WDR70: variants seen among roughly 807,000 people sequenced by gnomAD.
WDR70 encodes WD repeat domain 70.
A neutral mutation model predicts 88.6 loss-of-function variants in WDR70; 53 were observed. The ratio of observed to expected loss-of-function variants is 0.60; its 90% CI spans 0.48 to 0.75. The LOEUF (loss-of-function observed/expected upper bound fraction) is 0.75. WDR70 is among the 30% of genes least tolerant of loss of function. The probability of loss-of-function intolerance (pLI) is 0.00; values close to 1 mark genes in which losing one functional copy is unlikely to be tolerated. For synonymous variants in WDR70, 280 were observed against 270.0 expected (o/e 1.04, Z -0.36); for missense variants, 610 against 823.2 (o/e 0.74, Z 3.17).
At position 37,529,534 on chromosome 5, in the gene WDR70, A is replaced by G. The variant is rs192489060; in HGVS notation, c.917+12944A>G. 2.0e-5 allele frequency among the ~76,000 whole-genome samples: 3 copies of G among 151,888 alleles called. No homozygotes were observed. In the East Asian group the frequency reaches 5.8e-4, roughly 29 times the overall value. On this transcript the variant is annotated intron_variant, in intron 9 of 17. Coordinates refer to ENST00000265107, the MANE Select transcript of WDR70 (RefSeq NM_018034.4). ...GTAATTTTCCTTGTAGAGGTCTTTC[A>G]TGTCCTTGGTTAGGTAAATTCCTAA...
rs187003829 is a variant in WDR70 at position 37,724,808 on chromosome 5, T to C, written c.1598-126T>C. ...CTAATTGGTTACAGTAAGACTGTCT[T>C]TTATTATCAGATCAAGACTGTCATT... On this transcript the variant is annotated intron_variant, in intron 15 of 17. Coordinates refer to ENST00000265107, the MANE Select transcript of WDR70 (RefSeq NM_018034.4). 4.5e-4 allele frequency: 433 copies of C among 970,182 alleles called. 4 individuals are homozygous for C. The African/African-American group carries it at 6.6e-3, about 15-fold the overall frequency. The allele number at this position is 970,182 out of a possible 1,614,324, so 60.1% of individuals were successfully genotyped here. A position where few individuals can be genotyped will look rare whatever the true frequency, so the allele number is the denominator to read the frequency against.
At chr5:37,600,952 A>G (rs1446647701) in intron 9 of WDR70, among the ~76,000 whole-genome samples, 1 of 152,214 alleles carries the variant, frequency 6.6e-6, no homozygotes, top group African/African-American at 2.4e-5. Context: ...TAGAGTCTTT[A>G]GAGTTTTCTG....
intron 10 of WDR70, among the ~76,000 whole-genome samples, chr5:37,640,132 G>A (rs1010194939): frequency 6.6e-6 from 1 of 152,074 alleles, no homozygotes. Context: ...ATTCTTTTAT[G>A]TCTCTGAAGT....
chr5:37,521,701 T>TAC (rs1491440083), intron 9 of WDR70, among the ~76,000 whole-genome samples: 3 of 81,484 alleles, frequency 3.7e-5, no homozygotes, highest in Non-Finnish European at 8.0e-5. Flanking sequence ...GTAGTCCAAG[T>TAC]ATACACACAC....
intron 8 of WDR70, among the ~76,000 whole-genome samples, chr5:37,499,607 C>T (rs868190962): frequency 2.8e-4 from 33 of 117,130 alleles, no homozygotes; most frequent in South Asian, 9.4e-4. Flanking sequence ...CTCTCTCTCT[C>T]TCTCTCTCTC....
Position 37,704,579 on chromosome 5 carries a change from A to G in WDR70, c.1416+1492A>G, listed in dbSNP as rs185100954. Reference sequence around the variant, plus strand: ...TCTCCGTGGTACTTACCACTGCCTCATATATTGTATATTTGTTTGGTTTCG... The same window carrying G: ...TCTCCGTGGTACTTACCACTGCCTCGTATATTGTATATTTGTTTGGTTTCG... On this transcript the variant is annotated intron_variant, in intron 13 of 17. Transcript: ENST00000265107. Among the ~76,000 whole-genome samples, 23 of 152,282 alleles carry G rather than the reference A, an allele frequency of 1.5e-4. No homozygotes were observed. In the East Asian group the frequency reaches 4.0e-3, roughly 27 times the overall value.
intron 14 of WDR70, chr5:37,722,586 TA>T (rs1469463673): frequency 4.8e-6 from 2 of 417,588 alleles, no homozygotes; most frequent in Admixed American, 7.5e-5. Flanking sequence ...ACATTATTCC[TA>T]TAGGTTTTGT....
chr5:37,494,232 C>G (rs143200199), intron 8 of WDR70, among the ~76,000 whole-genome samples: 66 of 152,294 alleles, frequency 4.3e-4, no homozygotes, highest in African/African-American at 1.5e-3. Flanking sequence ...TTAGCAGAGA[C>G]ATTTCCTAGT....
At chr5:37,662,311 T>C (rs1159120869) in intron 10 of WDR70, among the ~76,000 whole-genome samples, 1 of 152,172 alleles carries the variant, frequency 6.6e-6, no homozygotes, top group Non-Finnish European at 1.5e-5. Context: ...AGCACAGTTT[T>C]ACAGATAAGA....
chr5:37,507,705 G>A (rs1399188592), intron 8 of WDR70, among the ~76,000 whole-genome samples: 7 of 151,990 alleles, frequency 4.6e-5, no homozygotes, highest in Admixed American at 6.6e-5. Flanking sequence ...TGTTTCTTTC[G>A]TGTACATTTT....
chr5:37,499,601 C>CTCTTTT lies in WDR70; in HGVS notation c.841-16910_841-16909insTTTTCT, dbSNP rs1581340803. On this transcript the variant is annotated intron_variant, in intron 8 of 17. Transcript: ENST00000265107. The stretch of plus-strand genomic sequence containing the variant: ...ATTTGGAAATATTCTCTCTCTCTCT[C>CTCTTTT]TCTCTCTCTCTCTCTCTCTCTCTCT... 1.7e-4 allele frequency among the ~76,000 whole-genome samples: 24 copies of CTCTTTT among 138,282 alleles called. No individual in the cohort carries two copies. The East Asian group carries it at 2.8e-3, about 16-fold the overall frequency. The allele number at this position is 138,282 out of a possible 152,430, so 90.7% of individuals were successfully genotyped here.
chr5:37,729,105 C>T (rs1463636095), intron 17 of WDR70, among the ~76,000 whole-genome samples: 1 of 152,120 alleles, frequency 6.6e-6, no homozygotes, highest in Non-Finnish European at 1.5e-5. Flanking sequence ...CTCCTGGCAT[C>T]TTTCTCAAGC....
chr5:37,706,501 G>A (rs1165910160), intron 13 of WDR70, among the ~76,000 whole-genome samples: 1 of 152,050 alleles, frequency 6.6e-6, no homozygotes, highest in East Asian at 1.9e-4. Flanking sequence ...TAGTGAATAC[G>A]TCTCATGAGA....
Position 37,396,509 on chromosome 5 carries a change from C to T in WDR70, c.431C>T (p.Pro144Leu). The change falls in exon 5 of 18, where the codon CCA becomes CTA. Residue 144 changes from proline (P) to leucine (L), a missense_variant. Physicochemically the swap from Pro to Leu is moderately conservative, Grantham distance 98. Transcript: ENST00000265107. ...GAAGATATCCTCGGTCCTTTACCTCCACCTCTTAATGAAGAAGAAGAAGAA... is the reference window on the plus strand; with the variant it reads ...GAAGATATCCTCGGTCCTTTACCTCTACCTCTTAATGAAGAAGAAGAAGAA... The part of the protein sequence containing the change: ...MEEDILGPLP[P>L]PLNEEEEEAE... The T allele has an allele frequency of 6.2e-7, 1 of 1,613,828 alleles. No individual in the cohort carries two copies.
chr5:37,507,507 C>T (rs1322164967), intron 8 of WDR70, among the ~76,000 whole-genome samples: 1 of 152,098 alleles, frequency 6.6e-6, no homozygotes, highest in African/African-American at 2.4e-5. Context: ...TTTATCTTCC[C>T]CCCTCCCCTG....
intron 5 of WDR70, among the ~76,000 whole-genome samples, chr5:37,415,683 CGCCGGGCGGAGGG>C (rs1749709480): frequency 2.0e-5 from 3 of 150,820 alleles, no homozygotes; most frequent in Non-Finnish European, 3.0e-5. Flanking sequence ...ACCTCCCTCC[CGCCGGGCGGAGGG>C]GCTCCTCACT....
intron 9 of WDR70, among the ~76,000 whole-genome samples, chr5:37,573,049 C>G (rs1457368190): frequency 6.6e-6 from 1 of 152,174 alleles, no homozygotes; most frequent in Admixed American, 6.6e-5. Flanking sequence ...AAACTTTACT[C>G]CCTCAGGGAT....
intron 8 of WDR70, among the ~76,000 whole-genome samples, chr5:37,485,858 ATTTTTTTTTTTTTT>A (rs57109943): frequency 5.7e-4 from 62 of 108,278 alleles, no homozygotes; most frequent in Non-Finnish European, 6.0e-4. Context: ...TGCCTGGCTA[ATTTTTTTTTTTTTT>A]TTTTTTTTTT....
intron 13 of WDR70, among the ~76,000 whole-genome samples, chr5:37,710,007 C>T (rs187262226): frequency 6.6e-6 from 1 of 151,852 alleles, no homozygotes; most frequent in Admixed American, 6.6e-5. Context: ...TATGAAGGTT[C>T]CAGAGCAGTT....
Sources: gnomAD v4.1 joint callset for allele counts (sites outside exome capture counted in the v4.1 genomes callset) on GRCh38, gnomAD v4.1.1 for gene constraint, MANE v1.5 for transcripts, NCBI Gene and HGNC (gene_info 2026-07-23, HGNC 2026-07-21) for gene names.